TNR: variants seen among roughly 807,000 people sequenced by gnomAD.
TNR encodes the protein tenascin-R.
A neutral mutation model predicts 150.4 loss-of-function variants in TNR; 45 were observed. The ratio of observed to expected loss-of-function variants is 0.30; its 90% CI spans 0.24 to 0.38. The LOEUF (loss-of-function observed/expected upper bound fraction) is 0.38. TNR is among the 10% of genes least tolerant of loss of function. The pLI, the probability that TNR is intolerant of heterozygous loss-of-function variation, is 1.00. For synonymous variants in TNR, 687 were observed against 678.4 expected (o/e 1.01, Z -0.20); for missense variants, 1,544 against 1,759.1 (o/e 0.88, Z 2.19).
In TNR at chr1:175,629,705, G is replaced by A. The variant is rs184842012; in HGVS notation, c.-164-101336C>T. Among the ~76,000 whole-genome samples, 197 of 152,296 alleles carry A rather than the reference G, an allele frequency of 1.3e-3. 1 individual carries two copies. Among genetic ancestry groups the A allele is most frequent in the Non-Finnish European group, 8.4e-4 (57 of 68,026 alleles). On this transcript the variant is annotated intron_variant, in intron 1 of 22. Transcript: ENST00000367674. ...CAAAGCCAACACCATGGTCAAAGTG[G>A]AGATTTGGAAGCCAAGAATTTTACC...
At chr1:175,419,325 C>G (rs1654646322) in intron 2 of TNR, among the ~76,000 whole-genome samples, 1 of 152,116 alleles carries the variant, frequency 6.6e-6, no homozygotes, top group African/African-American at 2.4e-5. Flanking sequence ...GACCATTTAG[C>G]TACATGCAGC....
At chr1:175,395,893 A>G (rs1653404604) in intron 5 of TNR, among the ~76,000 whole-genome samples, 1 of 152,196 alleles carries the variant, frequency 6.6e-6, no homozygotes, top group Non-Finnish European at 1.5e-5. Flanking sequence ...TTATGTATAA[A>G]AAAAACTGTT....
At chr1:175,417,076 A>AAATAAATC (rs1553218337) in intron 2 of TNR, among the ~76,000 whole-genome samples, 11 of 113,782 alleles carry the variant, frequency 9.7e-5, no homozygotes, top group East Asian at 6.5e-4. Context: ...AGAAAGAAAG[A>AAATAAATC]AATCTAAGAA....
intron 1 of TNR, among the ~76,000 whole-genome samples, chr1:175,659,414 G>A (rs916458271): frequency 1.9e-4 from 29 of 152,222 alleles, no homozygotes; most frequent in Non-Finnish European, 4.4e-5. Context: ...CCAGGATGGG[G>A]AGAACTGGGA....
At chr1:175,561,835 C>G (rs943473318) in intron 1 of TNR, among the ~76,000 whole-genome samples, 1 of 152,172 alleles carries the variant, frequency 6.6e-6, no homozygotes, top group African/African-American at 2.4e-5. Context: ...TACACAGTCC[C>G]TTATTCTGGA....
intron 1 of TNR, among the ~76,000 whole-genome samples, chr1:175,647,678 C>G (rs546952939): frequency 6.6e-6 from 1 of 152,108 alleles, no homozygotes; most frequent in Non-Finnish European, 1.5e-5. Flanking sequence ...TTTGGAAAGC[C>G]TGGAGTCCTC....
chr1:175,670,170 C>T (rs1307581970), intron 1 of TNR, among the ~76,000 whole-genome samples: 3 of 152,212 alleles, frequency 2.0e-5, no homozygotes, highest in Non-Finnish European at 4.4e-5. Flanking sequence ...ATTCATTTCT[C>T]TTATACTGAG....
intron 21 of TNR, among the ~76,000 whole-genome samples, chr1:175,329,548 A>G (rs1398192225): frequency 1.1e-4 from 16 of 152,210 alleles, no homozygotes; most frequent in Admixed American, 1.0e-3. Context: ...AGGTGTTAGC[A>G]TGACCGCTGA....
intron 1 of TNR, among the ~76,000 whole-genome samples, chr1:175,568,209 A>T (rs74716018): frequency 6.6e-6 from 1 of 152,122 alleles, no homozygotes; most frequent in Non-Finnish European, 1.5e-5. Flanking sequence ...TTCTTTTCAT[A>T]TACTATCACC....
intron 2 of TNR, among the ~76,000 whole-genome samples, chr1:175,480,984 A>G (rs1657784316): frequency 6.6e-6 from 1 of 152,248 alleles, no homozygotes; most frequent in Admixed American, 6.5e-5. Context: ...TTCCTACTAA[A>G]GTGTTAATGA....
chr1:175,696,155 AC>A (rs1666509351), intron 1 of TNR, among the ~76,000 whole-genome samples: 1 of 151,844 alleles, frequency 6.6e-6, no homozygotes, highest in African/African-American at 2.4e-5. Context: ...ACATGAATGA[AC>A]TAGGCTCAGA....
chr1:175,665,035 G>A (rs1665494251), intron 1 of TNR, among the ~76,000 whole-genome samples: 1 of 152,240 alleles, frequency 6.6e-6, no homozygotes, highest in Non-Finnish European at 1.5e-5. Flanking sequence ...CTGAAAGAGT[G>A]AATGATACAG....
chr1:175,622,030 A>G (rs76620413), intron 1 of TNR, among the ~76,000 whole-genome samples: 134 of 152,362 alleles, frequency 8.8e-4, no homozygotes, highest in Non-Finnish European at 1.7e-3. Flanking sequence ...TGAGGATGTT[A>G]AGAGCATTGA....
intron 2 of TNR, among the ~76,000 whole-genome samples, chr1:175,494,954 G>A (rs918632955): frequency 1.3e-5 from 2 of 152,162 alleles, no homozygotes; most frequent in East Asian, 1.9e-4. Flanking sequence ...AAAACGGGTC[G>A]GTCATGGTCC....
At chr1:175,464,282 T>C (rs1208819228) in intron 2 of TNR, among the ~76,000 whole-genome samples, 2 of 152,238 alleles carry the variant, frequency 1.3e-5, no homozygotes, top group African/African-American at 4.8e-5. Context: ...TGGGTTAACC[T>C]TTGTCCTAGG....
intron 1 of TNR, among the ~76,000 whole-genome samples, chr1:175,742,568 A>G (rs1444371481): frequency 1.3e-5 from 2 of 152,030 alleles, no homozygotes; most frequent in Non-Finnish European, 2.9e-5. Context: ...GTCAGAAGGG[A>G]CCTCAACCCC....
chr1:175,525,162 T>A (rs1271475271), intron 2 of TNR, among the ~76,000 whole-genome samples: 1 of 152,206 alleles, frequency 6.6e-6, no homozygotes, highest in Non-Finnish European at 1.5e-5. Context: ...TTTTCCCTTT[T>A]TGCTTGGCAC....
At chr1:175,491,216 C>A (rs1658232688) in intron 2 of TNR, among the ~76,000 whole-genome samples, 1 of 151,860 alleles carries the variant, frequency 6.6e-6, no homozygotes, top group Non-Finnish European at 1.5e-5. Flanking sequence ...TGGGGCCTGT[C>A]AGAGGGGAGC....
chr1:175,576,029 C>T (rs1381933118), intron 1 of TNR, among the ~76,000 whole-genome samples: 1 of 152,172 alleles, frequency 6.6e-6, no homozygotes, highest in Admixed American at 6.5e-5. Flanking sequence ...TATTTTTTCC[C>T]CTCATTCTCT....
Sources: gnomAD v4.1 joint callset for allele counts (sites outside exome capture counted in the v4.1 genomes callset) on GRCh38, gnomAD v4.1.1 for gene constraint, MANE v1.5 for transcripts, NCBI Gene and HGNC (gene_info 2026-07-23, HGNC 2026-07-21) for gene names.